SIAH3: variants seen among roughly 807,000 people sequenced by gnomAD.
SIAH3 encodes the protein seven in absentia homolog 3.
A neutral mutation model predicts 12.6 loss-of-function variants in SIAH3; 9 were observed. The ratio of observed to expected loss-of-function variants is 0.72; its 90% CI spans 0.43 to 1.25. The LOEUF (loss-of-function observed/expected upper bound fraction) is 1.25. SIAH3 is among the 50% of genes most tolerant of loss of function. The pLI, the probability that SIAH3 is intolerant of heterozygous loss-of-function variation, is 0.00. For missense variants in SIAH3, 390 were observed against 365.4 expected (o/e 1.07, Z -0.55); for synonymous variants, 154 against 151.1 (o/e 1.02, Z -0.14).
rs1950499278 is a variant in SIAH3 at position 45,780,350 on chromosome 13, T to G, written c.*3033A>C. On this transcript the variant is annotated 3_prime_UTR_variant, in exon 2 of 2. Transcript: ENST00000400405. ...CAAGTGGTGCAATCACAGCTCACTG[T>G]GACCTCAACCTCCTGGGCTCAAGCC... 1 of 152,134 alleles carries G rather than the reference T, an allele frequency of 6.6e-6. No individual in the cohort carries two copies. The highest frequency in any genetic ancestry group is 6.6e-5 in the Admixed American group (1 of 15,262). 9.4% of individuals were successfully genotyped at this position (152,134 alleles called of 1,614,324 possible).
At chr13:45,836,680 C>T (rs905494128) in intron 1 of SIAH3, among the ~76,000 whole-genome samples, 3 of 152,114 alleles carry the variant, frequency 2.0e-5, no homozygotes, top group African/African-American at 7.2e-5. Context: ...GAGTTTACTA[C>T]CTGGGTGATG....
rs116535337 is a variant in SIAH3 at position 45,835,119 on chromosome 13, C to A, written c.135+16376G>T. 4.5e-3 allele frequency among the ~76,000 whole-genome samples: 690 copies of A among 152,320 alleles called. 6 individuals carry two copies. Among genetic ancestry groups the A allele is most frequent in the African/African-American group, 0.016 (667 of 41,578 alleles). On this transcript the variant is annotated intron_variant, in intron 1 of 1. Transcript: ENST00000400405. ...TGATTCTCTCCCACCACCTCCCAAACCACAAAGCTCCCTGATTTATTTGAA... is the reference window on the plus strand; with the variant it reads ...TGATTCTCTCCCACCACCTCCCAAAACACAAAGCTCCCTGATTTATTTGAA...
chr13:45,807,301 T>C (rs1262402867), intron 1 of SIAH3, among the ~76,000 whole-genome samples: 1 of 151,460 alleles, frequency 6.6e-6, no homozygotes, highest in Non-Finnish European at 1.5e-5. Context: ...TCAAGTGATT[T>C]AAAAAGTTTA....
Position 45,783,737 on chromosome 13 carries a change from C to T in SIAH3, c.456G>A (p.Ala152=), listed in dbSNP as rs1276477849. 3 of 1,614,132 alleles carry T rather than the reference C, an allele frequency of 1.9e-6. No individual in the cohort carries two copies. The South Asian group carries it at 3.3e-5, about 18-fold the overall frequency. ...AGTGCATGATGATCCAATCAGCCGGCGCGGGGAGGTGCATGTCCGTGGCCA... is the reference window on the plus strand; with the variant it reads ...AGTGCATGATGATCCAATCAGCCGGTGCGGGGAGGTGCATGTCCGTGGCCA... ...VFLATDMHLP[A]PADWIIMHSC... is the part of the protein sequence containing the mutation. The change falls in exon 2 of 2, where the codon GCG becomes GCA. Residue 152 remains alanine, a synonymous_variant. Transcript: ENST00000400405.
chr13:45,798,146 C>A (rs958764217), intron 1 of SIAH3, among the ~76,000 whole-genome samples: 5 of 152,178 alleles, frequency 3.3e-5, no homozygotes, highest in African/African-American at 1.2e-4. Context: ...TTAATAAATT[C>A]TCCATTTTTA....
chr13:45,850,299 C>T (rs1398261863), intron 1 of SIAH3, among the ~76,000 whole-genome samples: 1 of 152,144 alleles, frequency 6.6e-6, no homozygotes, highest in African/African-American at 2.4e-5. Context: ...CGCTGACCTG[C>T]GGGGCTCCAG....
chr13:45,798,632 G>A (rs1039654864), intron 1 of SIAH3, among the ~76,000 whole-genome samples: 8 of 152,188 alleles, frequency 5.3e-5, no homozygotes, highest in Admixed American at 2.6e-4. Flanking sequence ...CATTAGAACC[G>A]TCCAGATGAG....
intron 1 of SIAH3, among the ~76,000 whole-genome samples, chr13:45,829,536 A>G (rs948237016): frequency 6.6e-6 from 1 of 152,078 alleles, no homozygotes; most frequent in African/African-American, 2.4e-5. Flanking sequence ...TTGAGCCCAA[A>G]AGGTCAAGGC....
At chr13:45,794,692 T>C (rs912171784) in intron 1 of SIAH3, among the ~76,000 whole-genome samples, 3 of 152,214 alleles carry the variant, frequency 2.0e-5, no homozygotes, top group Non-Finnish European at 4.4e-5. Context: ...CCTTCACTTC[T>C]GCCTTGATTG....
rs1210066625 is a variant in SIAH3, at chr13:45,783,605, G to A, written c.588C>T (p.Ala196=). The part of the protein sequence containing the change: ...TMMLIGTPTQ[A]DCFTYRLELN... The stretch of plus-strand genomic sequence containing the variant: ...GCTCCAGGCGATAGGTGAAGCAGTC[G>A]GCCTGGGTGGGGGTCCCAATCAGCA... The change falls in exon 2 of 2, where the codon GCC becomes GCT. Residue 196 remains alanine (A), a synonymous_variant. Transcript: ENST00000400405. 1 of 1,614,174 alleles carries A rather than the reference G, an allele frequency of 6.2e-7. No individual in the cohort carries two copies. Among genetic ancestry groups the A allele is most frequent in the Non-Finnish European group, 8.5e-7 (1 of 1,180,010 alleles).
chr13:45,816,516 A>T (rs1950635066), intron 1 of SIAH3, among the ~76,000 whole-genome samples: 1 of 152,216 alleles, frequency 6.6e-6, no homozygotes, highest in African/African-American at 2.4e-5. Flanking sequence ...TGAGTTATGA[A>T]CCCTGAGGAA....
At chr13:45,834,657 A>C (rs1313206871) in intron 1 of SIAH3, among the ~76,000 whole-genome samples, 1 of 152,104 alleles carries the variant, frequency 6.6e-6, no homozygotes, top group East Asian at 1.9e-4. Context: ...CTCCCTTCCA[A>C]AGCTGGGCCA....
intron 1 of SIAH3, among the ~76,000 whole-genome samples, chr13:45,796,807 G>A (rs1252395605): frequency 6.6e-6 from 1 of 152,220 alleles, no homozygotes; most frequent in Non-Finnish European, 1.5e-5. Context: ...CGAGCTGAGG[G>A]ACGGAGCAGC....
At chr13:45,832,982 T>C (rs1485278051) in intron 1 of SIAH3, among the ~76,000 whole-genome samples, 1 of 152,250 alleles carries the variant, frequency 6.6e-6, no homozygotes, top group Non-Finnish European at 1.5e-5. Context: ...TCTGGGTAGT[T>C]GAAAGAATTC....
intron 1 of SIAH3, among the ~76,000 whole-genome samples, chr13:45,824,019 C>A (rs7322852): frequency 6.6e-6 from 1 of 152,228 alleles, no homozygotes; most frequent in South Asian, 2.1e-4. Flanking sequence ...CTAGTAAACC[C>A]ATCACCCAAA....
At chr13:45,799,372 C>T (rs1950573692) in intron 1 of SIAH3, among the ~76,000 whole-genome samples, 5 of 152,174 alleles carry the variant, frequency 3.3e-5, no homozygotes, top group South Asian at 4.2e-4. Flanking sequence ...AGGAGGAATG[C>T]GTTAAAATGT....
chr13:45,815,083 A>ATTT (rs58472474), intron 1 of SIAH3, among the ~76,000 whole-genome samples: 3,746 of 132,266 alleles, frequency 0.028, 159 homozygotes, highest in African/African-American at 0.096. Context: ...ATAGACCTTC[A>ATTT]TTTTTTTTTT....
intron 1 of SIAH3, among the ~76,000 whole-genome samples, chr13:45,810,303 C>T (rs1442000677): frequency 2.0e-5 from 3 of 152,186 alleles, no homozygotes; most frequent in African/African-American, 7.2e-5. Flanking sequence ...AAGTCCTGTT[C>T]AGCACCAGTG....
chr13:45,832,426 A>ATG (rs1386459877), intron 1 of SIAH3, among the ~76,000 whole-genome samples: 1 of 152,192 alleles, frequency 6.6e-6, no homozygotes, highest in African/African-American at 2.4e-5. Flanking sequence ...GAGAAATTTC[A>ATG]TGTAAATGGA....
Sources: gnomAD v4.1 joint callset for allele counts (sites outside exome capture counted in the v4.1 genomes callset) on GRCh38, gnomAD v4.1.1 for gene constraint, MANE v1.5 for transcripts, NCBI Gene and HGNC (gene_info 2026-07-23, HGNC 2026-07-21) for gene names.